The following RAB38 variants were observed in gnomAD, a reference collection of about 807,000 sequenced individuals.
RAB38 encodes RAB38, member RAS oncogene family, also known as ras-related protein Rab-38.
In RAB38, 15 loss-of-function variants were observed where a neutral mutation model predicts 18.4. The ratio of observed to expected loss-of-function variants is 0.82; its 90% CI spans 0.55 to 1.26. RAB38 has a LOEUF of 1.26. Among genes scored for constraint, RAB38 ranks in the 50% most tolerant of loss-of-function variants. RAB38 has a pLI of 0.00. For missense variants in RAB38, 294 were observed against 267.4 expected, an observed-to-expected ratio of 1.10 and a Z score of -0.69; for synonymous variants, 101 against 104.4, an observed-to-expected ratio of 0.97 and a Z score of 0.20.
At chr11:88,104,700 C>T in the RAB38 span, among the ~76,000 whole-genome samples, 1 of 152,010 alleles carries the variant, frequency 6.6e-6, no homozygotes, top group Non-Finnish European at 1.5e-5. Context: ...TTTTTCAGTG[C>T]CTGTGATTGA....
At chr11:88,077,600 A>C in the RAB38 span, among the ~76,000 whole-genome samples, 2 of 152,198 alleles carry the variant, frequency 1.3e-5, no homozygotes, top group African/African-American at 4.8e-5. Context: ...GATATGCAGA[A>C]GAATGAAACT....
chr11:88,049,211 G>C, the RAB38 span, among the ~76,000 whole-genome samples: 1 of 152,038 alleles, frequency 6.6e-6, no homozygotes, highest in Admixed American at 6.5e-5. Context: ...ATTAATAGAA[G>C]ACAGGAATGT....
the RAB38 span, among the ~76,000 whole-genome samples, chr11:87,808,353 A>T: frequency 6.6e-6 from 1 of 152,238 alleles, no homozygotes; most frequent in African/African-American, 2.4e-5. Context: ...TGATGTATAT[A>T]TACAATGAAA....
the RAB38 span, among the ~76,000 whole-genome samples, chr11:88,105,529 C>G: frequency 6.6e-6 from 1 of 152,132 alleles, no homozygotes; most frequent in East Asian, 1.9e-4. Flanking sequence ...GACTTATACA[C>G]AGTTAAACTA....
At chr11:87,913,141 C>A in the RAB38 span, among the ~76,000 whole-genome samples, 1 of 151,962 alleles carries the variant, frequency 6.6e-6, no homozygotes, top group African/African-American at 2.4e-5. Flanking sequence ...TTCATGTGTA[C>A]TTGAAACTAA....
downstream of RAB38, among the ~76,000 whole-genome samples, chr11:88,111,917 C>T (rs1942479480): frequency 6.6e-6 from 1 of 152,206 alleles, no homozygotes; most frequent in Non-Finnish European, 1.5e-5. Flanking sequence ...CCCTGGATCT[C>T]TTCTCCAGTA....
intron 1 of RAB38, among the ~76,000 whole-genome samples, chr11:88,155,926 T>C (rs1943119597): frequency 6.6e-6 from 1 of 152,306 alleles, no homozygotes; most frequent in East Asian, 1.9e-4. Context: ...ACGAAACCAT[T>C]TCAGAGCTTA....
the RAB38 span, among the ~76,000 whole-genome samples, chr11:87,841,033 T>G: frequency 6.6e-6 from 1 of 152,202 alleles, no homozygotes; most frequent in Non-Finnish European, 1.5e-5. Flanking sequence ...GAGCCTCATG[T>G]TCATTGCCTG....
chr11:88,076,007 G>GA, the RAB38 span, among the ~76,000 whole-genome samples: 1 of 149,076 alleles, frequency 6.7e-6, no homozygotes, highest in Non-Finnish European at 1.5e-5. Flanking sequence ...AAATATCAGA[G>GA]AAAAAATATT....
the RAB38 span, among the ~76,000 whole-genome samples, chr11:88,088,896 A>T: frequency 6.6e-6 from 1 of 151,918 alleles, no homozygotes; most frequent in Non-Finnish European, 1.5e-5. Flanking sequence ...AAAATGCTTT[A>T]GCATCAGGCT....
chr11:88,163,950 A>T (rs931544716), intron 1 of RAB38, among the ~76,000 whole-genome samples: 1 of 152,112 alleles, frequency 6.6e-6, no homozygotes, highest in Non-Finnish European at 1.5e-5. Flanking sequence ...CAGTGGATAA[A>T]GCAGGGGGAA....
chr11:88,058,869 C>A, the RAB38 span, among the ~76,000 whole-genome samples: 8 of 152,160 alleles, frequency 5.3e-5, no homozygotes, highest in Non-Finnish European at 1.2e-4. Flanking sequence ...TTCCTCCTTT[C>A]TTTGGGCTTC....
chr11:87,963,536 C>T, the RAB38 span, among the ~76,000 whole-genome samples: 20 of 151,968 alleles, frequency 1.3e-4, no homozygotes, highest in Admixed American at 8.5e-4. Context: ...TTTTAACCAC[C>T]GCACTAACAA....
the RAB38 span, among the ~76,000 whole-genome samples, chr11:87,969,833 G>T: frequency 6.6e-6 from 1 of 152,054 alleles, no homozygotes; most frequent in Non-Finnish European, 1.5e-5. Flanking sequence ...TTCTTTCTGT[G>T]GTGACACAAC....
At chr11:88,096,543 C>T in the RAB38 span, among the ~76,000 whole-genome samples, 1 of 151,870 alleles carries the variant, frequency 6.6e-6, no homozygotes, top group Non-Finnish European at 1.5e-5. Flanking sequence ...GTGAAACTTA[C>T]ATGAGAGCAG....
chr11:88,075,894 CA>C, the RAB38 span, among the ~76,000 whole-genome samples: 31,014 of 127,066 alleles, frequency 0.24, 3,899 homozygotes, highest in East Asian at 0.41. Flanking sequence ...AAAAAGAAAA[CA>C]AAAAAAAAAA....
chr11:87,940,200 G>A, the RAB38 span, among the ~76,000 whole-genome samples: 2 of 149,734 alleles, frequency 1.3e-5, no homozygotes, highest in Admixed American at 6.7e-5. Context: ...AGGGAGAAAA[G>A]CAGCATAGTT....
chr11:88,033,196 G>A, the RAB38 span, among the ~76,000 whole-genome samples: 1 of 151,856 alleles, frequency 6.6e-6, no homozygotes. Flanking sequence ...ATGGACACAG[G>A]AAGGGGAACG....
chr11:88,044,886 T>C, the RAB38 span, among the ~76,000 whole-genome samples: 2 of 152,070 alleles, frequency 1.3e-5, no homozygotes, highest in African/African-American at 2.4e-5. Context: ...TCCACCACCC[T>C]ATAATCCTTT....
Sources: allele counts gnomAD v4.1 joint callset (sites outside exome capture counted in the v4.1 genomes callset), GRCh38; gene constraint gnomAD v4.1.1; transcripts MANE v1.5; gene names NCBI Gene and HGNC (gene_info 2026-07-23, HGNC 2026-07-21).